Variants in RIMBP2 observed in about 807,000 individuals in gnomAD.
The protein encoded by RIMBP2 is RIMS binding protein 2.
A neutral mutation model predicts 118.6 loss-of-function variants in RIMBP2; 48 were observed. The ratio of observed to expected loss-of-function variants is 0.40; its 90% confidence interval spans 0.32 to 0.51. The LOEUF is 0.51. Among genes scored for constraint, RIMBP2 ranks in the 20% least tolerant of loss-of-function variants. The probability of loss-of-function intolerance (pLI) is 0.41; values close to 1 mark genes in which losing one functional copy is unlikely to be tolerated. For synonymous variants in RIMBP2, 762 were observed against 742.9 expected (o/e 1.03, Z -0.42); for missense variants, 1,551 against 1,768.3 (o/e 0.88, Z 2.20).
At chr12:130,635,258 C>A (rs1424838492) in intron 1 of RIMBP2, among the ~76,000 whole-genome samples, 1 of 152,192 alleles carries the variant, frequency 6.6e-6, no homozygotes, top group African/African-American at 2.4e-5. Context: ...CCTGGACCTA[C>A]CTCTGTCCCC....
chr12:130,710,459 TACAC>T lies in RIMBP2; in HGVS notation c.-352+5759_-352+5762del, dbSNP rs879729338. Among the ~76,000 whole-genome samples, 2 of 151,482 alleles carry T rather than the reference TACAC, an allele frequency of 1.3e-5. No individual in the cohort carries two copies. Among genetic ancestry groups the T allele is most frequent in the African/African-American group, 4.9e-5 (2 of 41,144 alleles). On this transcript the variant is annotated intron_variant, in intron 1 of 22. Transcript: ENST00000690449. The surrounding 1 kb of genome is among the most constrained non-coding windows in gnomAD (Gnocchi z 4.3). The stretch of plus-strand genomic sequence containing the variant: ...ATACACGCAGGCGCACACACACACA[TACAC>T]ACACACACGTACACACACACATGTG...
At chr12:130,694,255 A>T (rs938487408) in intron 1 of RIMBP2, among the ~76,000 whole-genome samples, 6 of 152,190 alleles carry the variant, frequency 3.9e-5, no homozygotes, top group African/African-American at 1.4e-4. Flanking sequence ...GCCCTCAACC[A>T]GGGGAACGAG....
Position 130,456,498 on chromosome 12 carries a change from T to C in RIMBP2, c.356A>G (p.Lys119Arg). The C allele has an allele frequency of 6.3e-7, 1 of 1,582,842 alleles. No individual in the cohort carries two copies. Among genetic ancestry groups the C allele is most frequent in the Non-Finnish European group, 8.6e-7 (1 of 1,159,210 alleles). Residue 119 changes from lysine (K) to arginine (R), a missense_variant and splice_region_variant, in exon 7 of 23, where the codon AAA (lysine) becomes AGA (arginine). Lys to Arg is a conservative substitution (Grantham distance 26). Around this residue, in one of 5 missense-constraint regions of RIMBP2, gnomAD observed 239 missense variants for 256.8 expected, o/e 0.93. Transcript: ENST00000690449. ...FMNGLATSLG[K>R]GQESAIGGSS... The stretch of plus-strand genomic sequence containing the variant: ...AGGCGGAAGGTCCAGGCGCTTACCT[T>C]TGCCGAGGGAGGTGGCTAGGCCATT...
chr12:130,646,072 C>T (rs1483895835), intron 1 of RIMBP2, among the ~76,000 whole-genome samples: 1 of 139,914 alleles, frequency 7.1e-6, no homozygotes, highest in South Asian at 2.3e-4. Context: ...CCTGCCTCTC[C>T]ACCTCCCTCA....
chr12:130,705,571 C>T (rs926231595), intron 1 of RIMBP2, among the ~76,000 whole-genome samples: 12 of 152,256 alleles, frequency 7.9e-5, no homozygotes, highest in Admixed American at 2.0e-4. Flanking sequence ...CAGCTCCTCA[C>T]TAACGAACAA....
chr12:130,482,446 C>T (rs576722850), intron 4 of RIMBP2, among the ~76,000 whole-genome samples: 43 of 152,256 alleles, frequency 2.8e-4, no homozygotes, highest in African/African-American at 9.9e-4. Context: ...GAGTGTGGCA[C>T]GGAGCAGGAT....
chr12:130,690,144 C>T (rs7309869), intron 1 of RIMBP2, among the ~76,000 whole-genome samples: 38,315 of 152,132 alleles, frequency 0.25, 5,236 homozygotes, highest in South Asian at 0.38. Flanking sequence ...CTCCCTCTAC[C>T]TCTCCCTTCT....
intron 4 of RIMBP2, among the ~76,000 whole-genome samples, chr12:130,488,861 G>A (rs1191036907): frequency 6.6e-6 from 1 of 152,196 alleles, no homozygotes; most frequent in African/African-American, 2.4e-5. Context: ...GAGAAACTGA[G>A]ACTAGATTTC....
At chr12:130,484,369 A>G (rs1209192382) in intron 4 of RIMBP2, among the ~76,000 whole-genome samples, 1 of 152,226 alleles carries the variant, frequency 6.6e-6, no homozygotes, top group Non-Finnish European at 1.5e-5. Context: ...TCTCCCTGCT[A>G]GCCTGACTCT....
intron 6 of RIMBP2, among the ~76,000 whole-genome samples, chr12:130,458,565 C>T (rs1418267922): frequency 6.6e-6 from 1 of 152,206 alleles, no homozygotes; most frequent in Admixed American, 6.5e-5. Context: ...CAAGGCCGGA[C>T]CCCGGAAGGC....
intron 2 of RIMBP2, among the ~76,000 whole-genome samples, chr12:130,619,215 C>A (rs552330636): frequency 6.6e-6 from 1 of 152,196 alleles, no homozygotes; most frequent in Non-Finnish European, 1.5e-5. Context: ...GGGAATACTA[C>A]GCGAGCAAAG....
At chr12:130,451,002 G>A (rs766615450) in intron 8 of RIMBP2, among the ~76,000 whole-genome samples, 193 bp downstream of exon 8, 2 of 151,814 alleles carry the variant, frequency 1.3e-5, no homozygotes, top group Non-Finnish European at 2.9e-5. Context: ...GACCTCACCT[G>A]TGTTCACAGA....
intron 2 of RIMBP2, among the ~76,000 whole-genome samples, chr12:130,526,510 T>G (rs757441242): frequency 1.1e-4 from 16 of 152,232 alleles, no homozygotes; most frequent in Non-Finnish European, 4.4e-5. Flanking sequence ...AAATGTGATT[T>G]AAGTTAAATA....
At chr12:130,439,981 G>C (rs1194277791) in intron 11 of RIMBP2, among the ~76,000 whole-genome samples, 1 of 151,660 alleles carries the variant, frequency 6.6e-6, no homozygotes, top group Non-Finnish European at 1.5e-5. Flanking sequence ...GTGTGTGTGT[G>C]GGGTGTGTGT....
At chr12:130,467,713 G>A (rs527759780) in intron 6 of RIMBP2, among the ~76,000 whole-genome samples, 74 of 152,286 alleles carry the variant, frequency 4.9e-4, no homozygotes, top group Non-Finnish European at 8.4e-4. Flanking sequence ...AGAAGCCCCC[G>A]CTTCAAGTTG....
intron 2 of RIMBP2, among the ~76,000 whole-genome samples, chr12:130,590,413 A>T (rs1036080587): frequency 6.6e-6 from 1 of 152,200 alleles, no homozygotes; most frequent in Non-Finnish European, 1.5e-5. Flanking sequence ...TCAAGCTTGC[A>T]TCCCCACTGT....
intron 10 of RIMBP2, among the ~76,000 whole-genome samples, chr12:130,444,275 C>T (rs1001103693): frequency 1.3e-5 from 2 of 152,076 alleles, no homozygotes; most frequent in Non-Finnish European, 2.9e-5. Context: ...GAGTGGTGAG[C>T]GAGTGGTGAG....
intron 4 of RIMBP2, among the ~76,000 whole-genome samples, chr12:130,499,294 A>G (rs559397844): frequency 6.6e-6 from 1 of 152,308 alleles, no homozygotes; most frequent in South Asian, 2.1e-4. Flanking sequence ...GAGCCAAACC[A>G]TATCAGGGTG....
intron 1 of RIMBP2, among the ~76,000 whole-genome samples, chr12:130,686,434 C>T (rs2065047587): frequency 6.6e-6 from 1 of 152,234 alleles, no homozygotes; most frequent in African/African-American, 2.4e-5. Flanking sequence ...GAAACCCGGG[C>T]ACCTCGTCCC....
Sources: allele counts gnomAD v4.1 joint callset (sites outside exome capture counted in the v4.1 genomes callset), GRCh38; gene constraint gnomAD v4.1.1; regional missense constraint gnomAD v4.1.1; non-coding constraint Gnocchi (gnomAD v3.1); transcripts MANE v1.5; gene names NCBI Gene and HGNC (gene_info 2026-07-23, HGNC 2026-07-21).